TTC6: variants seen among roughly 807,000 people sequenced by gnomAD.
TTC6 encodes tetratricopeptide repeat domain 6, also known as tetratricopeptide repeat protein 6.
TTC6 carries 172 observed loss-of-function variants against 210.4 expected under a neutral mutation model. That is an observed-to-expected ratio of 0.82 (90% CI 0.72 to 0.93). The LOEUF is 0.93. Among genes scored for constraint, TTC6 ranks in the 40% least tolerant of loss-of-function variants. The pLI, the probability that TTC6 is intolerant of heterozygous loss-of-function variation, is 0.00. For synonymous variants in TTC6, 804 were observed against 819.6 expected, an observed-to-expected ratio of 0.98 and a Z score of 0.32; for missense variants, 2,414 against 2,318.1, an observed-to-expected ratio of 1.04 and a Z score of -0.85.
chr14:37,682,050 A>G (rs61977073), intron 2 of TTC6, among the ~76,000 whole-genome samples: 24,865 of 151,860 alleles, frequency 0.16, 2,538 homozygotes, highest in South Asian at 0.26. Flanking sequence ...AGGAACTACA[A>G]CCTGGAAGCA....
intron 2 of TTC6, among the ~76,000 whole-genome samples, chr14:37,609,275 G>A (rs2095630445): frequency 6.6e-6 from 1 of 152,032 alleles, no homozygotes; most frequent in African/African-American, 2.4e-5. Flanking sequence ...AATTAGCTGG[G>A]CATGCTGGTA....
chr14:37,786,070 G>A (rs558890225), intron 14 of TTC6, among the ~76,000 whole-genome samples: 160 of 152,322 alleles, frequency 1.1e-3, no homozygotes, highest in Non-Finnish European at 1.8e-3. Context: ...CTACTCGGGG[G>A]TCAGGGAGTC....
chr14:37,608,321 G>C (rs1362453362), intron 2 of TTC6, among the ~76,000 whole-genome samples: 1 of 151,680 alleles, frequency 6.6e-6, no homozygotes, highest in Non-Finnish European at 1.5e-5. Flanking sequence ...TGTTGTTGTT[G>C]TTTTTTGAGA....
At chr14:37,744,203 A>T (rs1043017897) in intron 10 of TTC6, among the ~76,000 whole-genome samples, 3 of 152,196 alleles carry the variant, frequency 2.0e-5, no homozygotes, top group Non-Finnish European at 4.4e-5. Flanking sequence ...ACATACATTT[A>T]TTGAGCACTA....
intron 14 of TTC6, among the ~76,000 whole-genome samples, chr14:37,758,080 G>T (rs1383033257): frequency 6.6e-6 from 1 of 152,134 alleles, no homozygotes; most frequent in Non-Finnish European, 1.5e-5. Flanking sequence ...TGCATTTGCT[G>T]AGGAGTGTTT....
chr14:37,812,553 A>T, intron 25 of TTC6, 120 bp downstream of exon 27: 1 of 989,366 alleles, frequency 1.0e-6, no homozygotes, highest in Non-Finnish European at 1.4e-6. Flanking sequence ...CTTTAGCAAG[A>T]ATTCTATTAA....
chr14:37,823,922 A>G (rs766412282), exon 27 of TTC6: 1 of 1,613,850 alleles, frequency 6.2e-7, no homozygotes, highest in African/African-American at 1.3e-5. Flanking sequence ...TCCAGCATAC[A>G]TAAAAGCCAG....
intron 1 of TTC6, among the ~76,000 whole-genome samples, chr14:37,631,625 G>A (rs888032069): frequency 1.3e-5 from 2 of 152,122 alleles, no homozygotes; most frequent in Admixed American, 1.3e-4. Context: ...TCTTTGTGTT[G>A]TTCTCTGTAT....
intron 10 of TTC6, among the ~76,000 whole-genome samples, chr14:37,743,834 A>G (rs1401669565): frequency 2.6e-5 from 4 of 152,184 alleles, no homozygotes; most frequent in African/African-American, 9.7e-5. Flanking sequence ...CAGAGTACTG[A>G]TCACAATTTC....
chr14:37,657,444 G>T (rs2139447273), intron 1 of TTC6, among the ~76,000 whole-genome samples: 1 of 151,946 alleles, frequency 6.6e-6, no homozygotes, highest in Admixed American at 6.6e-5. Context: ...GAGAGTGTTT[G>T]GGAAGTGAAT....
intron 26 of TTC6, among the ~76,000 whole-genome samples, chr14:37,819,410 T>A (rs2096150323): frequency 6.6e-6 from 1 of 152,164 alleles, no homozygotes; most frequent in Non-Finnish European, 1.5e-5. Flanking sequence ...AATAAATTTT[T>A]AAATTTTAAG....
rs796119162 is a variant in TTC6 at position 37,776,875 on chromosome 14, C to T, written c.3267-10593C>T. 6.6e-5 allele frequency among the ~76,000 whole-genome samples: 10 copies of T among 151,778 alleles called. No homozygotes were observed. In the South Asian group the frequency reaches 1.2e-3, roughly 19 times the overall value. ...TGGCACCATTTAACTCTAGCCTGGGCGCAAGAGTGAAACTCCATCTCAAAA... is the reference window on the plus strand; with the variant it reads ...TGGCACCATTTAACTCTAGCCTGGGTGCAAGAGTGAAACTCCATCTCAAAA... On this transcript the variant is annotated intron_variant, in intron 14 of 30. Coordinates refer to ENST00000553443, the Ensembl canonical transcript of TTC6.
intron 1 of TTC6, among the ~76,000 whole-genome samples, chr14:37,629,898 A>G (rs1044508128): frequency 1.3e-5 from 2 of 152,092 alleles, no homozygotes; most frequent in Non-Finnish European, 2.9e-5. Flanking sequence ...TGTTTATGTG[A>G]TGAATTATGT....
exon 1 of TTC6, chr14:37,622,406 G>C: frequency 2.6e-6 from 4 of 1,534,298 alleles, no homozygotes; most frequent in Admixed American, 2.0e-5. Flanking sequence ...AGACCCGGTC[G>C]TTTCGCCCCC....
At chr14:37,718,707 T>C (rs887387076) in intron 6 of TTC6, among the ~76,000 whole-genome samples, 1 of 152,110 alleles carries the variant, frequency 6.6e-6, no homozygotes, top group African/African-American at 2.4e-5. Context: ...GTGGGCAGCT[T>C]GCTTGAGCCC....
At chr14:37,647,558 G>A (rs918433750) in intron 1 of TTC6, among the ~76,000 whole-genome samples, 1 of 152,156 alleles carries the variant, frequency 6.6e-6, no homozygotes, top group African/African-American at 2.4e-5. Flanking sequence ...AGATGGTGAA[G>A]ATCAAGGGGG....
chr14:37,801,449 A>G (rs2096106315), intron 20 of TTC6, among the ~76,000 whole-genome samples: 1 of 152,116 alleles, frequency 6.6e-6, no homozygotes, highest in Non-Finnish European at 1.5e-5. Flanking sequence ...ATCATACCCT[A>G]TGTTATCTCC....
At chr14:37,766,804 AT>A (rs1157520578) in intron 14 of TTC6, among the ~76,000 whole-genome samples, 5 of 151,592 alleles carry the variant, frequency 3.3e-5, no homozygotes, top group Admixed American at 2.0e-4. Context: ...TCTTTTTTTT[AT>A]TTTTTATTAT....
At position 37,732,332 on chromosome 14, in the gene TTC6, G is replaced by A. The variant is rs1013348849; in HGVS notation, c.1819-3589G>A. Among the ~76,000 whole-genome samples, 7 of 150,798 alleles carry A rather than the reference G, an allele frequency of 4.6e-5. No homozygotes were observed. In the South Asian group the frequency reaches 6.3e-4, roughly 14 times the overall value. On this transcript the variant is annotated intron_variant, in intron 7 of 30. Coordinates refer to ENST00000553443, the Ensembl canonical transcript of TTC6. ...CGAGTAGCTGGGACTACAGGAGCCCGCCACCACGCCTTGCTAATTTTTCGT... is the reference window on the plus strand; with the variant it reads ...CGAGTAGCTGGGACTACAGGAGCCCACCACCACGCCTTGCTAATTTTTCGT...
Sources: gnomAD v4.1 joint callset for allele counts (sites outside exome capture counted in the v4.1 genomes callset) on GRCh38, gnomAD v4.1.1 for gene constraint, MANE v1.5 for transcripts, NCBI Gene and HGNC (gene_info 2026-07-23, HGNC 2026-07-21) for gene names.